THSD7B: variants seen among roughly 807,000 people sequenced by gnomAD.
THSD7B encodes the protein thrombospondin type-1 domain-containing protein 7B.
Under a neutral mutation model 213.6 loss-of-function variants are expected in THSD7B, and 138 were observed. The observed-to-expected ratio is 0.65, with a 90% confidence interval of 0.56 to 0.74. THSD7B has a LOEUF of 0.74. Among genes scored for constraint, THSD7B ranks in the 30% least tolerant of loss-of-function variants. The probability of loss-of-function intolerance (pLI) is 0.00; values close to 1 mark genes in which losing one functional copy is unlikely to be tolerated. For synonymous variants in THSD7B, 742 were observed against 687.0 expected (o/e 1.08, Z -1.25); for missense variants, 1,931 against 1,991.5 (o/e 0.97, Z 0.58).
intron 12 of THSD7B, among the ~76,000 whole-genome samples, chr2:137,344,988 G>C (rs1297645208): frequency 6.6e-6 from 1 of 151,558 alleles, no homozygotes; most frequent in East Asian, 1.9e-4. Flanking sequence ...AGTGACTCTA[G>C]AATCTTCTTT....
chr2:137,215,233 TG>T (rs1238681986), intron 7 of THSD7B, among the ~76,000 whole-genome samples: 2 of 152,222 alleles, frequency 1.3e-5, no homozygotes, highest in Admixed American at 6.5e-5. Context: ...TGTTTTCTTT[TG>T]AGAAATGTTT....
chr2:137,091,991 TTTC>T (rs1198814343), intron 3 of THSD7B, among the ~76,000 whole-genome samples: 1 of 152,198 alleles, frequency 6.6e-6, no homozygotes, highest in Non-Finnish European at 1.5e-5. Flanking sequence ...GATGAGACAT[TTTC>T]AGGAAAGTTT....
At chr2:136,937,737 T>C (rs1456530104) in intron 2 of THSD7B, among the ~76,000 whole-genome samples, 3 of 152,194 alleles carry the variant, frequency 2.0e-5, no homozygotes, top group East Asian at 1.9e-4. Context: ...ATCTTCACTT[T>C]CTTGTAATGG....
chr2:137,224,215 A>G (rs1681446386), intron 7 of THSD7B, among the ~76,000 whole-genome samples: 1 of 152,174 alleles, frequency 6.6e-6, no homozygotes, highest in Admixed American at 6.5e-5. Flanking sequence ...AACACATAGT[A>G]CAGAATTCGT....
chr2:137,501,405 A>C (rs929643694), intron 15 of THSD7B, among the ~76,000 whole-genome samples: 2 of 147,764 alleles, frequency 1.4e-5, no homozygotes, highest in African/African-American at 2.5e-5. Context: ...TCAATATTAC[A>C]TTGAGGGGTT....
At chr2:137,306,370 T>A (rs754437505) in intron 12 of THSD7B, among the ~76,000 whole-genome samples, 2 of 152,154 alleles carry the variant, frequency 1.3e-5, no homozygotes, top group Non-Finnish European at 2.9e-5. Context: ...CTAGCCAGGT[T>A]GACACATTAT....
intron 12 of THSD7B, among the ~76,000 whole-genome samples, chr2:137,323,063 C>T (rs989508047): frequency 6.6e-6 from 1 of 152,050 alleles, no homozygotes; most frequent in African/African-American, 2.4e-5. Flanking sequence ...CTGGTCACCA[C>T]CAGTCAACAT....
intron 14 of THSD7B, among the ~76,000 whole-genome samples, chr2:137,432,503 A>ATCCTG (rs1687208769): frequency 6.6e-6 from 1 of 152,256 alleles, no homozygotes; most frequent in African/African-American, 2.4e-5. Flanking sequence ...TCTTCAGGCT[A>ATCCTG]AATATCCAGG....
intron 2 of THSD7B, among the ~76,000 whole-genome samples, chr2:136,986,791 A>G (rs892785259): frequency 3.3e-5 from 5 of 152,196 alleles, no homozygotes; most frequent in African/African-American, 1.2e-4. Context: ...GTACCTTTGT[A>G]AACTGCCATT....
chr2:137,030,493 A>G (rs1173367714), intron 2 of THSD7B, among the ~76,000 whole-genome samples: 1 of 151,946 alleles, frequency 6.6e-6, no homozygotes, highest in Admixed American at 6.6e-5. Context: ...CAGACACTTT[A>G]ACGTTGCCAG....
chr2:137,155,386 T>C (rs1174089437), intron 5 of THSD7B, among the ~76,000 whole-genome samples: 8 of 152,184 alleles, frequency 5.3e-5, no homozygotes, highest in Non-Finnish European at 1.0e-4. Flanking sequence ...TAGGGCCTCA[T>C]TGCATTAAGA....
chr2:137,241,677 C>T (rs941051766), intron 9 of THSD7B, among the ~76,000 whole-genome samples: 4 of 151,782 alleles, frequency 2.6e-5, no homozygotes, highest in Admixed American at 2.6e-4. Context: ...CTTTGGGAGG[C>T]CAAGGAGGGC....
intron 12 of THSD7B, among the ~76,000 whole-genome samples, chr2:137,310,696 G>A (rs888623417): frequency 1.3e-5 from 2 of 152,078 alleles, no homozygotes; most frequent in Non-Finnish European, 2.9e-5. Context: ...GCATAAGGAA[G>A]GGATCCAGTT....
chr2:137,671,477 TAG>T (rs145497221), intron 27 of THSD7B, among the ~76,000 whole-genome samples: 148,695 of 152,130 alleles, frequency 0.98, 72,746 homozygotes, highest in East Asian at 1. Context: ...CAGTTCTATA[TAG>T]GGCTGGAGAG....
intron 12 of THSD7B, among the ~76,000 whole-genome samples, chr2:137,358,788 T>C (rs1328355662): frequency 2.0e-5 from 3 of 152,190 alleles, no homozygotes; most frequent in African/African-American, 7.2e-5. Context: ...AGGCGCTTAG[T>C]GAATTCTTAT....
At position 137,265,796 on chromosome 2, in the gene THSD7B, G is replaced by A. The variant is rs367746948; in HGVS notation, c.2267-6737G>A. Among the ~76,000 whole-genome samples, 170 of 152,234 alleles carry A rather than the reference G, an allele frequency of 1.1e-3. 1 individual carries two copies. The highest frequency in any genetic ancestry group is 3.8e-3 in the African/African-American group (158 of 41,552). ...TCTTTGAATGATCATATAATGTGTC[G>A]TACAAACCAAGACATTTATGAGAGT... is the stretch of plus-strand genomic sequence containing the variant. On this transcript the variant is annotated intron_variant, in intron 10 of 27. Coordinates refer to ENST00000409968, the MANE Select transcript of THSD7B (RefSeq NM_001316349.2).
intron 3 of THSD7B, among the ~76,000 whole-genome samples, chr2:137,075,925 C>T (rs559222886): frequency 6.6e-6 from 1 of 152,242 alleles, no homozygotes; most frequent in South Asian, 2.1e-4. Flanking sequence ...GCAAATGCTG[C>T]TGCCTGATTG....
intron 12 of THSD7B, among the ~76,000 whole-genome samples, chr2:137,379,697 T>C (rs915160150): frequency 1.3e-5 from 2 of 152,216 alleles, no homozygotes; most frequent in African/African-American, 4.8e-5. Context: ...AGGATATGAA[T>C]ATGTAGAGTG....
At chr2:137,597,919 GGTTA>G (rs1467379183) in intron 17 of THSD7B, among the ~76,000 whole-genome samples, 5 of 152,066 alleles carry the variant, frequency 3.3e-5, no homozygotes, top group Middle Eastern at 3.4e-3. Context: ...TCTATAATAT[GGTTA>G]GTTAGTAAAT....
Sources: allele counts gnomAD v4.1 joint callset (sites outside exome capture counted in the v4.1 genomes callset), GRCh38; gene constraint gnomAD v4.1.1; transcripts MANE v1.5; gene names NCBI Gene and HGNC (gene_info 2026-07-23, HGNC 2026-07-21).